The following PARM1 variants were observed in gnomAD, a reference collection of about 807,000 sequenced individuals.
PARM1 encodes the protein WSC4, cell wall integrity and stress response component 4 homolog.
A neutral mutation model predicts 24.6 loss-of-function variants in PARM1; 14 were observed. The ratio of observed to expected loss-of-function variants is 0.57; its 90% CI spans 0.38 to 0.89. The LOEUF is 0.89. PARM1 is among the 40% of genes least tolerant of loss of function. The probability of loss-of-function intolerance (pLI) is 0.00; values close to 1 mark genes in which losing one functional copy is unlikely to be tolerated. For synonymous variants in PARM1, 179 were observed against 156.6 expected, an observed-to-expected ratio of 1.14 and a Z score of -1.07; for missense variants, 362 against 380.4, an observed-to-expected ratio of 0.95 and a Z score of 0.40.
intron 1 of PARM1, among the ~76,000 whole-genome samples, chr4:74,991,874 A>G (rs1722480009): frequency 6.6e-6 from 1 of 152,186 alleles, no homozygotes; most frequent in Admixed American, 6.6e-5. Flanking sequence ...AAGTAATGCA[A>G]AAACAAAAAA....
intron 1 of PARM1, among the ~76,000 whole-genome samples, chr4:74,989,616 G>A (rs1722424945): frequency 6.6e-6 from 1 of 152,056 alleles, no homozygotes; most frequent in Non-Finnish European, 1.5e-5. Flanking sequence ...AGGCATAATT[G>A]ATTAAATCAT....
chr4:74,936,243 T>C (rs1161368178), intron 1 of PARM1, among the ~76,000 whole-genome samples: 2 of 152,152 alleles, frequency 1.3e-5, no homozygotes, highest in African/African-American at 4.8e-5. Context: ...TTTCAAACAC[T>C]TCTTATGCCA....
intron 1 of PARM1, among the ~76,000 whole-genome samples, chr4:75,001,608 G>C (rs1722681760): frequency 6.6e-6 from 1 of 152,148 alleles, no homozygotes; most frequent in Non-Finnish European, 1.5e-5. Context: ...GCATTTTACT[G>C]CATGCAAGTT....
At chr4:74,957,310 A>G (rs1445857154) in intron 1 of PARM1, 1 of 152,150 alleles carries the variant, frequency 6.6e-6, no homozygotes, top group Non-Finnish European at 1.5e-5. Context: ...CAATAAATTC[A>G]TGTTCTTTCT....
chr4:74,943,442 C>T (rs565010290), intron 1 of PARM1, among the ~76,000 whole-genome samples: 1 of 151,936 alleles, frequency 6.6e-6, no homozygotes, highest in East Asian at 1.9e-4. Context: ...AAAAGTGAGA[C>T]ATTGGCAAAC....
chr4:74,935,262 G>T (rs1287929707), intron 1 of PARM1, among the ~76,000 whole-genome samples: 1 of 152,152 alleles, frequency 6.6e-6, no homozygotes, highest in Non-Finnish European at 1.5e-5. Context: ...TGAAAATGAT[G>T]AAGCTAATGG....
chr4:74,967,835 A>G (rs1371080107), intron 1 of PARM1: 1 of 152,348 alleles, frequency 6.6e-6, no homozygotes, highest in Non-Finnish European at 1.5e-5. Flanking sequence ...AAATGTAACC[A>G]TTATTAATAA....
intron 3 of PARM1, chr4:75,034,632 C>G (rs1056377259): frequency 1.3e-5 from 2 of 152,202 alleles, no homozygotes; most frequent in Non-Finnish European, 2.9e-5. Context: ...GAAATCAAGT[C>G]TCAACACCAC....
chr4:74,971,815 A>T (rs981043591), intron 1 of PARM1, among the ~76,000 whole-genome samples: 5 of 152,072 alleles, frequency 3.3e-5, no homozygotes, highest in African/African-American at 9.7e-5. Flanking sequence ...ATCTTTTCCC[A>T]GCCTAGTCTA....
intron 1 of PARM1, chr4:74,967,493 T>C (rs893854713): frequency 6.6e-6 from 1 of 152,206 alleles, no homozygotes; most frequent in African/African-American, 2.4e-5. Context: ...GATTGCGTCA[T>C]GGAGAGCACC....
chr4:75,029,094 C>T (rs568005493), intron 2 of PARM1, among the ~76,000 whole-genome samples: 1 of 152,196 alleles, frequency 6.6e-6, no homozygotes, highest in East Asian at 1.9e-4. Context: ...ATCTGTGTGG[C>T]GTGCGGGCCC....
chr4:74,933,311 C>G lies in PARM1; in HGVS notation c.-17C>G. The stretch of plus-strand genomic sequence containing the variant: ...CTTGCCGCCCGCCCCGGGCTGGGCA[C>G]CAAATACCAGGCTACCATGGTCTAC... On this transcript the variant is annotated 5_prime_UTR_variant, in exon 1 of 4. Transcript: ENST00000307428. The G allele has an allele frequency of 6.2e-7, 1 of 1,608,542 alleles. No individual in the cohort carries two copies. Among genetic ancestry groups the G allele is most frequent in the Non-Finnish European group, 8.5e-7 (1 of 1,177,500 alleles).
intron 1 of PARM1, among the ~76,000 whole-genome samples, chr4:74,999,864 G>A (rs963811252): frequency 1.3e-5 from 2 of 152,158 alleles, no homozygotes; most frequent in African/African-American, 4.8e-5. Context: ...CCTGATGCGT[G>A]TCGTATCATG....
intron 2 of PARM1, among the ~76,000 whole-genome samples, chr4:75,021,267 G>A (rs28379798): frequency 0.03 from 4,571 of 152,194 alleles, 235 homozygotes; most frequent in African/African-American, 0.1. Flanking sequence ...ACATCCCCTC[G>A]GATGCCTTTA....
At chr4:74,987,401 G>A (rs928279687) in intron 1 of PARM1, among the ~76,000 whole-genome samples, 2 of 152,070 alleles carry the variant, frequency 1.3e-5, no homozygotes, top group African/African-American at 4.8e-5. Flanking sequence ...GACATTAATA[G>A]TTGTTGATAT....
chr4:74,994,028 A>G (rs1370133287), intron 1 of PARM1: 1 of 152,200 alleles, frequency 6.6e-6, no homozygotes, highest in African/African-American at 2.4e-5. Flanking sequence ...GGACCCAGCA[A>G]CAGAATCAGG....
chr4:75,040,148 G>GT (rs1174933904), intron 3 of PARM1, among the ~76,000 whole-genome samples: 1 of 152,212 alleles, frequency 6.6e-6, no homozygotes, highest in East Asian at 1.9e-4. Flanking sequence ...GGGTGCAGCA[G>GT]TAACATTCGT....
At chr4:75,014,189 C>T (rs1722933741) in intron 2 of PARM1, among the ~76,000 whole-genome samples, 1 of 152,152 alleles carries the variant, frequency 6.6e-6, no homozygotes, top group Admixed American at 6.5e-5. Flanking sequence ...ATACATCCAT[C>T]ACGAATGGAA....
At chr4:74,955,215 T>C (rs1299239254) in intron 1 of PARM1, among the ~76,000 whole-genome samples, 1 of 151,344 alleles carries the variant, frequency 6.6e-6, no homozygotes, top group Non-Finnish European at 1.5e-5. Flanking sequence ...TAATGTAGAC[T>C]GCAGATTTTG....
Sources: allele counts gnomAD v4.1 joint callset (sites outside exome capture counted in the v4.1 genomes callset), GRCh38; gene constraint gnomAD v4.1.1; transcripts MANE v1.5; gene names NCBI Gene and HGNC (gene_info 2026-07-23, HGNC 2026-07-21).